CCN5: variants seen among roughly 807,000 people sequenced by gnomAD.
CCN5 encodes the protein CCN family member 5.
In CCN5, 17 loss-of-function variants were observed where a neutral mutation model predicts 18.7. That is an observed-to-expected ratio of 0.91 (90% CI 0.62 to 1.36). The LOEUF (loss-of-function observed/expected upper bound fraction) is 1.36. CCN5 is among the 40% of genes most tolerant of loss of function. The pLI is 0.00. For missense variants in CCN5, 367 were observed against 342.9 expected, an observed-to-expected ratio of 1.07 and a Z score of -0.56; for synonymous variants, 135 against 145.2, an observed-to-expected ratio of 0.93 and a Z score of 0.50.
chr20:44,721,917 G>A (rs1425370947), intron 2 of CCN5, among the ~76,000 whole-genome samples: 1 of 152,190 alleles, frequency 6.6e-6, no homozygotes, highest in Non-Finnish European at 1.5e-5. Context: ...TGAACTCAGG[G>A]AGCTGGCTCC....
In CCN5 at chr20:44,715,382, G is replaced by A. The variant is rs1487462699; in HGVS notation, c.-9G>A. 1 of 1,598,636 alleles carries A rather than the reference G, an allele frequency of 6.3e-7. No individual in the cohort carries two copies. The highest frequency in any genetic ancestry group is 8.5e-7 in the Non-Finnish European group (1 of 1,173,226). On this transcript the variant is annotated 5_prime_UTR_variant, in exon 1 of 4. Coordinates refer to ENST00000190983, the MANE Select transcript of CCN5 (RefSeq NM_003881.4). ...GCCTCCCAGGCTCAAAGCTGGCTCTGCAGGGGACATGAGAGGCACACCGAA... is the reference window on the plus strand; with the variant it reads ...GCCTCCCAGGCTCAAAGCTGGCTCTACAGGGGACATGAGAGGCACACCGAA...
chr20:44,715,399 C>G lies in CCN5; in HGVS notation c.9C>G (p.Gly3=), dbSNP rs1285636270. The part of the protein sequence containing the change: MR[G]TPKTHLLAFS... ...CTGGCTCTGCAGGGGACATGAGAGG[C>G]ACACCGAAGACCCACCTCCTGGCCT... The change falls in exon 1 of 4, where the codon GGC becomes GGG. Residue 3 remains glycine (G), a synonymous_variant. Transcript: ENST00000190983. The G allele has an allele frequency of 3.1e-6, 5 of 1,602,732 alleles. No homozygotes were observed. The highest frequency in any genetic ancestry group is 4.3e-6 in the Non-Finnish European group (5 of 1,175,154).
At chr20:44,717,282 T>A (rs1423329475) in intron 1 of CCN5, among the ~76,000 whole-genome samples, 1 of 152,208 alleles carries the variant, frequency 6.6e-6, no homozygotes, top group African/African-American at 2.4e-5. Flanking sequence ...ACATATGGTA[T>A]CACATGAGAT....
intron 3 of CCN5, among the ~76,000 whole-genome samples, chr20:44,725,253 C>T (rs1272063211): frequency 6.6e-6 from 1 of 152,066 alleles, no homozygotes; most frequent in African/African-American, 2.4e-5. Flanking sequence ...GCCTGGCTGA[C>T]ATAGGAAAAC....
chr20:44,724,947 T>C lies in CCN5; in HGVS notation c.487T>C (p.Cys163Arg), dbSNP rs1205619440. The change falls in exon 3 of 4, where the codon TGC (cysteine) becomes CGC (arginine). Residue 163 changes from cysteine to arginine, a missense_variant. Transcript: ENST00000190983. ...VLGKCCPEWV[C>R]GQGGGLGTQP... is the part of the protein sequence containing the mutation. The stretch of plus-strand genomic sequence containing the variant: ...GGGCAAGTGCTGCCCTGAGTGGGTG[T>C]GCGGCCAAGGAGGGGGACTGGGGAC... 6.3e-7 allele frequency: 1 copy of C among 1,597,532 alleles called. No homozygotes were observed. The highest frequency in any genetic ancestry group is 2.3e-5 in the East Asian group (1 of 44,348).
At chr20:44,718,526 A>C (rs576632611) in intron 1 of CCN5, among the ~76,000 whole-genome samples, 1 of 152,296 alleles carries the variant, frequency 6.6e-6, no homozygotes, top group African/African-American at 2.4e-5. Context: ...TCAAATGGGC[A>C]GACAGGGAGC....
At chr20:44,715,284 T>G (rs902793430), upstream of CCN5, 52 of 884,044 alleles carry the variant, frequency 5.9e-5, 3 homozygotes, top group Admixed American at 1.0e-3. Context: ...CGCGCGCGTG[T>G]GTACTCGTGC....
chr20:44,723,678 C>G (rs527654290), intron 2 of CCN5: 1 of 152,222 alleles, frequency 6.6e-6, no homozygotes, highest in East Asian at 1.9e-4. Flanking sequence ...GCTTCACCAG[C>G]GCTCTTACTT....
intron 3 of CCN5, among the ~76,000 whole-genome samples, chr20:44,725,975 C>T (rs1247566622): frequency 2.0e-5 from 3 of 152,184 alleles, no homozygotes; most frequent in African/African-American, 7.2e-5. Flanking sequence ...GAGGTAGTCA[C>T]GTGTTATGGG....
chr20:44,724,658 C>T, intron 2 of CCN5, 80 bp from the exon 3 acceptor site: 1 of 1,579,040 alleles, frequency 6.3e-7, no homozygotes, highest in Non-Finnish European at 8.6e-7. Context: ...CTGCCTCAGG[C>T]AGCGGGATCT....
At chr20:44,720,380 T>A in intron 2 of CCN5, 1 of 514,100 alleles carries the variant, frequency 1.9e-6, no homozygotes, top group Non-Finnish European at 3.4e-6. Flanking sequence ...CAAAGCCAAG[T>A]TCAAACAGCT....
chr20:44,715,080 TCACACACACACACGCG>T (rs1190776392), upstream of CCN5: 4 of 298,776 alleles, frequency 1.3e-5, no homozygotes, highest in Admixed American at 9.4e-5. Context: ...GCTCAGGCTT[TCACACACACACACGCG>T]CACACACACA....
At position 44,724,739 on chromosome 20, in the gene CCN5, G is replaced by A. The variant is rs199900780; in HGVS notation, c.279G>A (p.Leu93=). ...GGGGGTGCGGTTTTTCCTCCGCAGT[G>A]GCAGAGGACGACAGCAGCTGTGAGG... is the stretch of plus-strand genomic sequence containing the variant. ...GPGGRGALCL[L]AEDDSSCEVN... The change falls in exon 3 of 4, where the codon TTG becomes TTA. Residue 93 remains leucine, a splice_region_variant and synonymous_variant. Coordinates refer to ENST00000190983, the MANE Select transcript of CCN5 (RefSeq NM_003881.4). The A allele has an allele frequency of 1.5e-4, 241 of 1,612,600 alleles. 1 individual carries two copies. The highest frequency in any genetic ancestry group is 1.9e-4 in the Non-Finnish European group (224 of 1,179,778).
At chr20:44,722,048 C>T (rs1158045641) in intron 2 of CCN5, among the ~76,000 whole-genome samples, 5 of 152,212 alleles carry the variant, frequency 3.3e-5, no homozygotes, top group Non-Finnish European at 7.3e-5. Flanking sequence ...CAAACACCTG[C>T]AGGCCAAAGG....
At chr20:44,720,210 C>T in intron 2 of CCN5, 97 bp downstream of exon 2, 2 of 1,294,340 alleles carry the variant, frequency 1.5e-6, no homozygotes, top group East Asian at 5.0e-5. Context: ...TCTCTACCTC[C>T]TTGGGTGCTC....
Position 44,727,153 on chromosome 20 carries a change from C to A in CCN5, c.599C>A (p.Ala200Asp). The change falls in exon 4 of 4, where the codon GCC becomes GAC. Residue 200 changes from alanine to aspartate, a missense_variant. By Grantham distance (126) the Ala-to-Asp change is moderately radical. Coordinates refer to ENST00000190983, the MANE Select transcript of CCN5 (RefSeq NM_003881.4). ...GTCCCCTGCCCAGAATGGAGCACGG[C>A]CTGGGGACCCTGCTCGACCACCTGT... ...PGVPCPEWST[A>D]WGPCSTTCGL... The A allele has an allele frequency of 6.2e-7, 1 of 1,613,568 alleles. No homozygotes were observed. The highest frequency in any genetic ancestry group is 8.5e-7 in the Non-Finnish European group (1 of 1,179,728).
chr20:44,718,193 C>T (rs964714305), intron 1 of CCN5, among the ~76,000 whole-genome samples: 2 of 152,198 alleles, frequency 1.3e-5, no homozygotes, highest in Admixed American at 1.3e-4. Flanking sequence ...TTTGTGGCCC[C>T]CACCAGAGGC....
chr20:44,715,451 G>A lies in CCN5; in HGVS notation c.60+1G>A, dbSNP rs1021932419. 1.9e-6 allele frequency: 3 copies of A among 1,592,198 alleles called. No homozygotes were observed. The African/African-American group carries it at 4.0e-5, about 21-fold the overall frequency. On this transcript the variant is annotated splice_donor_variant, in intron 1 of 3. Transcript: ENST00000190983. LOFTEE classifies it high-confidence loss of function. ...CTCCCTCCTCTGCCTCCTCTCAAAG[G>A]TAAGGAGGCCCGGGCCCTGGAATGC... is the stretch of plus-strand genomic sequence containing the variant.
At chr20:44,715,250 TGTGTGTGTGTGAGC>T (rs772281403), upstream of CCN5, 2,943 of 553,058 alleles carry the variant, frequency 5.3e-3, 62 homozygotes, top group Admixed American at 7.1e-3. Flanking sequence ...TGTGTGTGTG[TGTGTGTGTGTGAGC>T]GCGCGCGCGC....
Sources: gnomAD v4.1 joint callset for allele counts (sites outside exome capture counted in the v4.1 genomes callset) on GRCh38, gnomAD v4.1.1 for gene constraint, MANE v1.5 for transcripts, NCBI Gene and HGNC (gene_info 2026-07-23, HGNC 2026-07-21) for gene names.